ITGB8: variants seen among roughly 807,000 people sequenced by gnomAD.
ITGB8 encodes the protein integrin beta-8.
ITGB8 carries 30 observed loss-of-function variants against 89.5 expected under a neutral mutation model. The ratio of observed to expected loss-of-function variants is 0.34; its 90% CI spans 0.25 to 0.45. The LOEUF (loss-of-function observed/expected upper bound fraction) is 0.45, where lower values mean the gene tolerates loss of function less well. Among genes scored for constraint, ITGB8 ranks in the 20% least tolerant of loss-of-function variants. ITGB8 has a pLI of 1.00. For missense variants in ITGB8, 836 were observed against 933.3 expected (o/e 0.90, Z 1.36); for synonymous variants, 335 against 320.4 (o/e 1.05, Z -0.49).
At chr7:20,329,805 A>G (rs907422719), upstream of ITGB8, 6 of 151,988 alleles carry the variant, frequency 3.9e-5, no homozygotes, top group Non-Finnish European at 8.8e-5. Context: ...GAGAACCATC[A>G]CCGTGTTAAA....
intron 1 of ITGB8, among the ~76,000 whole-genome samples, chr7:20,336,163 G>A (rs954392547): frequency 4.0e-4 from 61 of 151,838 alleles, no homozygotes; most frequent in African/African-American, 1.4e-3. Context: ...CCGCCACCAC[G>A]CCCGGCTAAT....
chr7:20,346,525 G>T (rs536978203), intron 1 of ITGB8: 1 of 158,204 alleles, frequency 6.3e-6, no homozygotes, highest in African/African-American at 2.4e-5. Flanking sequence ...TCTCAAGGTA[G>T]ATAGTGGTGA....
Position 20,406,661 on chromosome 7 carries a change from T to C in ITGB8, c.2023+490T>C, listed in dbSNP as rs17142804. ...TTGTGTCATCTTCTACCTTAGATACTTCCTTCATGTTCACTGGCTCACTTA... is the reference window on the plus strand; with the variant it reads ...TTGTGTCATCTTCTACCTTAGATACCTCCTTCATGTTCACTGGCTCACTTA... On this transcript the variant is annotated intron_variant, in intron 12 of 13. Transcript: ENST00000222573. 4.3e-3 allele frequency among the ~76,000 whole-genome samples: 658 copies of C among 152,338 alleles called. 8 individuals are homozygous for C. The highest frequency in any genetic ancestry group is 0.015 in the African/African-American group (610 of 41,580).
Position 20,363,642 on chromosome 7 carries a change from A to G in ITGB8, c.133A>G (p.Asn45Asp), listed in dbSNP as rs1231060338. The G allele has an allele frequency of 6.3e-7, 1 of 1,586,422 alleles. No individual in the cohort carries two copies. Among genetic ancestry groups the G allele is most frequent in the Admixed American group, 1.8e-5 (1 of 54,260 alleles). Residue 45 changes from asparagine to aspartate, a missense_variant, in exon 2 of 14, where the codon AAT becomes GAT. By Grantham distance (23) the Asn-to-Asp change is conservative. Transcript: ENST00000222573. ...LVLGLGQGEDNRCASSNAASC... is the reference protein window; with the variant it reads ...LVLGLGQGEDDRCASSNAASC... ...TGTTTTCTCCTTCATTGCAGAAGAC[A>G]ATAGATGTGCATCTTCAAATGCAGC...
Position 20,402,138 on chromosome 7 carries a change from T to C in ITGB8, c.1687+12T>C. On this transcript the variant is annotated intron_variant, in intron 10 of 13. Transcript: ENST00000222573. ...AAATCTGTGTGCTGGTGAGTATAAA[T>C]ATATACAGGCAGCTTTTACTTGTCA... 1 of 1,584,304 alleles carries C rather than the reference T, an allele frequency of 6.3e-7. No individual in the cohort carries two copies. Among genetic ancestry groups the C allele is most frequent in the Non-Finnish European group, 8.6e-7 (1 of 1,165,946 alleles).
chr7:20,364,507 T>G (rs1190886081), intron 2 of ITGB8: 2 of 152,204 alleles, frequency 1.3e-5, no homozygotes, highest in African/African-American at 4.8e-5. Context: ...GGATATCACT[T>G]TCTTCTAGGA....
chr7:20,400,616 A>G (rs1396100036), intron 9 of ITGB8, among the ~76,000 whole-genome samples: 1 of 152,214 alleles, frequency 6.6e-6, no homozygotes, highest in Non-Finnish European at 1.5e-5. Flanking sequence ...CAAAGTACCT[A>G]AAGATGGTAA....
chr7:20,334,593 C>T (rs550048942), intron 1 of ITGB8, among the ~76,000 whole-genome samples: 4 of 152,130 alleles, frequency 2.6e-5, no homozygotes, highest in Non-Finnish European at 4.4e-5. Context: ...ATTACTTCCC[C>T]TCAAAGCGTT....
At chr7:20,372,765 T>C (rs1785986741) in intron 3 of ITGB8, among the ~76,000 whole-genome samples, 1 of 152,220 alleles carries the variant, frequency 6.6e-6, no homozygotes, top group African/African-American at 2.4e-5. Flanking sequence ...AGCATAATTG[T>C]CTAACGTGTG....
intron 12 of ITGB8, 83 bp downstream of exon 12, chr7:20,406,254 C>G (rs1787538851): frequency 1.1e-6 from 1 of 916,188 alleles, no homozygotes; most frequent in South Asian, 1.4e-5. Flanking sequence ...ATTAACCATG[C>G]TAAAGAAAGG....
chr7:20,352,411 T>C (rs1323139337), intron 1 of ITGB8: 1 of 152,208 alleles, frequency 6.6e-6, no homozygotes, highest in Admixed American at 6.5e-5. Flanking sequence ...GTATGTTGAG[T>C]GACCATTTGG....
chr7:20,351,198 G>T (rs186388207), intron 1 of ITGB8, among the ~76,000 whole-genome samples: 1 of 152,314 alleles, frequency 6.6e-6, no homozygotes, highest in Admixed American at 6.5e-5. Context: ...TTATTGCTGA[G>T]TCATCATTTA....
chr7:20,402,792 A>C (rs1415782292), intron 10 of ITGB8, among the ~76,000 whole-genome samples: 2 of 152,226 alleles, frequency 1.3e-5, no homozygotes, highest in African/African-American at 4.8e-5. Context: ...AAATACGAAG[A>C]TCACTCTTGG....
intron 6 of ITGB8, among the ~76,000 whole-genome samples, chr7:20,389,164 A>T (rs962061018): frequency 6.6e-6 from 1 of 152,194 alleles, no homozygotes; most frequent in Admixed American, 6.5e-5. Context: ...GCTGGGTCCA[A>T]TGATATTTCT....
intron 1 of ITGB8, among the ~76,000 whole-genome samples, chr7:20,361,388 A>C (rs1026803831): frequency 6.6e-6 from 1 of 152,218 alleles, no homozygotes; most frequent in Non-Finnish European, 1.5e-5. Context: ...ATTTACAAAC[A>C]ATACAAATTT....
At chr7:20,408,377 CAAAA>C (rs3032573) in intron 12 of ITGB8, among the ~76,000 whole-genome samples, 6 of 97,308 alleles carry the variant, frequency 6.2e-5, no homozygotes, top group African/African-American at 1.0e-4. Context: ...TACCTTATCA[CAAAA>C]AAAAAAAAAA....
chr7:20,366,908 T>A, intron 2 of ITGB8, 104 bp from the exon 3 acceptor site: 1 of 749,872 alleles, frequency 1.3e-6, no homozygotes, highest in Non-Finnish European at 2.1e-6. Context: ...TAGAAGAAAT[T>A]AAAATGATAT....
rs1048565835 is a variant in ITGB8 at position 20,405,954 on chromosome 7, T to G, written c.1914-108T>G. On this transcript the variant is annotated intron_variant, in intron 11 of 13. Coordinates refer to ENST00000222573, the MANE Select transcript of ITGB8 (RefSeq NM_002214.3). ...TAGTTCTAATGAACATAATCAAAAT[T>G]TGAATTGTTTCTGCATTGTTATTTT... 9.1e-6 allele frequency: 6 copies of G among 656,292 alleles called. No individual in the cohort carries two copies. The Admixed American group carries it at 1.5e-4, about 16-fold the overall frequency. 40.7% of individuals were successfully genotyped at this position (656,292 alleles called of 1,614,324 possible).
chr7:20,402,811 A>G (rs1026299911), intron 10 of ITGB8, among the ~76,000 whole-genome samples: 18 of 152,210 alleles, frequency 1.2e-4, no homozygotes, highest in African/African-American at 4.1e-4. Context: ...GGGCCATTCA[A>G]TTTACTGCCA....
Sources: gnomAD v4.1 joint callset for allele counts (sites outside exome capture counted in the v4.1 genomes callset) on GRCh38, gnomAD v4.1.1 for gene constraint, MANE v1.5 for transcripts, NCBI Gene and HGNC (gene_info 2026-07-23, HGNC 2026-07-21) for gene names.